Variants in RGS22 observed in about 807,000 individuals in gnomAD.
RGS22 encodes the protein regulator of G-protein signaling 22.
In RGS22, 148 loss-of-function variants were observed where a neutral mutation model predicts 172.9. The ratio of observed to expected loss-of-function variants is 0.86; its 90% CI spans 0.75 to 0.98. The LOEUF is 0.98. Among genes scored for constraint, RGS22 ranks in the 50% least tolerant of loss-of-function variants. The pLI, the probability that RGS22 is intolerant of heterozygous loss-of-function variation, is 0.00. For synonymous variants in RGS22, 458 were observed against 480.2 expected (o/e 0.95, Z 0.60); for missense variants, 1,347 against 1,440.8 (o/e 0.93, Z 1.05).
In RGS22 at chr8:99,965,470, AATGAT is replaced by A. The variant is rs774959553; in HGVS notation, c.3520-45_3520-41del. On this transcript the variant is annotated intron_variant, in intron 23 of 27. Transcript: ENST00000360863. ...AATTAAATTATTACCCAGAAAAGAT[AATGAT>A]ATGTTAATATAAACTTATGGCTAAG... is the stretch of plus-strand genomic sequence containing the variant. 2.8e-5 allele frequency: 38 copies of A among 1,371,370 alleles called. No individual in the cohort carries two copies. In the South Asian group the frequency reaches 4.7e-4, roughly 17 times the overall value. 85.0% of individuals were successfully genotyped at this position (1,371,370 alleles called of 1,614,324 possible). A position where few individuals can be genotyped will look rare whatever the true frequency, so the allele number is the denominator to read the frequency against.
rs760451465 is a variant in RGS22, at chr8:99,965,339, C to T, written c.3611G>A (p.Arg1204Gln). The T allele has an allele frequency of 2.0e-5, 32 of 1,610,584 alleles. No individual in the cohort carries two copies. The highest frequency in any genetic ancestry group is 2.3e-5 in the Non-Finnish European group (27 of 1,177,136). The part of the protein sequence containing the change: ...DSFLGLQPYG[R>Q]QPTWCYSKYI... Reference sequence around the variant, plus strand: ...TGCACCATCTTGCATGCTTACCTGTCGGCCATATGGTTGGAGGCCTAGGAA... The same window carrying T: ...TGCACCATCTTGCATGCTTACCTGTTGGCCATATGGTTGGAGGCCTAGGAA... The change falls in exon 24 of 28, where the codon CGA becomes CAA. Residue 1204 changes from arginine (R) to glutamine (Q), a missense_variant. Arg to Gln is a conservative substitution (Grantham distance 43). Transcript: ENST00000360863.
intron 4 of RGS22, among the ~76,000 whole-genome samples, chr8:100,075,773 T>G (rs1811301396): frequency 6.6e-6 from 1 of 152,246 alleles, no homozygotes; most frequent in African/African-American, 2.4e-5. Flanking sequence ...ATTTGATAAC[T>G]CTTGGGCTAA....
At chr8:99,989,114 T>C (rs1028221556) in intron 20 of RGS22, among the ~76,000 whole-genome samples, 1 of 152,060 alleles carries the variant, frequency 6.6e-6, no homozygotes, top group African/African-American at 2.4e-5. Context: ...ATTAAAAAAG[T>C]TTCTTTCTTT....
chr8:100,046,056 G>A (rs1181572154), intron 11 of RGS22, among the ~76,000 whole-genome samples: 2 of 151,792 alleles, frequency 1.3e-5, no homozygotes, highest in Non-Finnish European at 2.9e-5. Flanking sequence ...TATTGCTATA[G>A]CACAATCACT....
chr8:100,029,753 C>A (rs1818591210), intron 14 of RGS22, among the ~76,000 whole-genome samples: 1 of 149,138 alleles, frequency 6.7e-6, no homozygotes, highest in Admixed American at 6.7e-5. Flanking sequence ...ATGTGTATAC[C>A]TATGTAAAAA....
At chr8:100,034,153 T>G (rs1228082226) in intron 14 of RGS22, among the ~76,000 whole-genome samples, 1 of 152,126 alleles carries the variant, frequency 6.6e-6, no homozygotes, top group Non-Finnish European at 1.5e-5. Flanking sequence ...GGTATTCAAG[T>G]AGGAAAAGAG....
chr8:100,070,911 T>C lies in RGS22; in HGVS notation c.594+458A>G, dbSNP rs144793603. 3.3e-5 allele frequency among the ~76,000 whole-genome samples: 5 copies of C among 149,600 alleles called. No homozygotes were observed. The East Asian group carries it at 9.8e-4, about 29-fold the overall frequency. ...AGCAGAGCAAATTAGTTAGCATAAATCTATAAGAAGTATTGCTAAATCTGC... is the reference window on the plus strand; with the variant it reads ...AGCAGAGCAAATTAGTTAGCATAAACCTATAAGAAGTATTGCTAAATCTGC... On this transcript the variant is annotated intron_variant, in intron 6 of 27. Coordinates refer to ENST00000360863, the MANE Select transcript of RGS22 (RefSeq NM_015668.5).
chr8:100,004,000 A>G lies in RGS22; in HGVS notation c.2553T>C (p.Phe851=). ...WDNVPAEYKH[F]KFSDLLNNKL... is the part of the protein sequence containing the mutation. ...TGTTGTTAAGCAGATCACTAAACTT[A>G]AAATGCTTGTATTCTGCAGGAACAT... The change falls in exon 17 of 28, where the codon TTT becomes TTC. Residue 851 remains phenylalanine, a synonymous_variant. Coordinates refer to ENST00000360863, the MANE Select transcript of RGS22 (RefSeq NM_015668.5). 1 of 1,612,578 alleles carries G rather than the reference A, an allele frequency of 6.2e-7. No homozygotes were observed. The highest frequency in any genetic ancestry group is 8.5e-7 in the Non-Finnish European group (1 of 1,179,136).
At chr8:100,065,978 T>C (rs1401039982) in intron 7 of RGS22, among the ~76,000 whole-genome samples, 189 bp downstream of exon 7, 1 of 152,190 alleles carries the variant, frequency 6.6e-6, no homozygotes, top group Non-Finnish European at 1.5e-5. Context: ...ATATCAGAGT[T>C]GCATTCTAAA....
chr8:99,990,167 G>T (rs1467615830), intron 20 of RGS22, among the ~76,000 whole-genome samples: 5 of 152,116 alleles, frequency 3.3e-5, no homozygotes. Flanking sequence ...CCTTATTCAG[G>T]AGGCGAAGGC....
At chr8:100,080,399 GA>G in intron 3 of RGS22, 44 bp from the exon 4 acceptor site, 1 of 1,380,790 alleles carries the variant, frequency 7.2e-7, no homozygotes, top group Non-Finnish European at 1.0e-6. Flanking sequence ...TTTAAACCTG[GA>G]AACTCATGGT....
chr8:99,996,385 A>G (rs947756179), intron 20 of RGS22, 77 bp downstream of exon 20: 17 of 1,261,658 alleles, frequency 1.3e-5, no homozygotes, highest in Middle Eastern at 1.9e-4. Flanking sequence ...AGGATTTTTG[A>G]ACAAGAAAGG....
intron 9 of RGS22, among the ~76,000 whole-genome samples, chr8:100,055,798 T>G (rs767585185): frequency 6.6e-6 from 1 of 152,186 alleles, no homozygotes; most frequent in Non-Finnish European, 1.5e-5. Context: ...TTTCCAGCCA[T>G]GTGGAACTGT....
At chr8:100,010,297 C>T (rs1816235201) in intron 14 of RGS22, among the ~76,000 whole-genome samples, 1 of 152,016 alleles carries the variant, frequency 6.6e-6, no homozygotes. Flanking sequence ...ACCATCCTGG[C>T]CAACATGGTG....
At chr8:99,977,781 C>A in intron 23 of RGS22, 136 bp downstream of exon 23, 2 of 656,264 alleles carry the variant, frequency 3.0e-6, no homozygotes, top group Non-Finnish European at 4.9e-6. Flanking sequence ...AAGCTTCTGA[C>A]TGAAGGCTTA....
At chr8:100,099,124 C>A (rs1030775349) in intron 2 of RGS22, among the ~76,000 whole-genome samples, 3 of 151,884 alleles carry the variant, frequency 2.0e-5, no homozygotes, top group Non-Finnish European at 4.4e-5. Context: ...CCATGTTGGC[C>A]AGGATGGTCT....
chr8:100,071,638 T>C, intron 5 of RGS22, 101 bp from the exon 6 acceptor site: 2 of 771,724 alleles, frequency 2.6e-6, no homozygotes, highest in South Asian at 2.4e-5. Context: ...TCTCCTCTCC[T>C]CACTCTTGAT....
At chr8:100,039,788 A>C (rs1341186297) in intron 13 of RGS22, among the ~76,000 whole-genome samples, 174 bp downstream of exon 13, 1 of 152,168 alleles carries the variant, frequency 6.6e-6, no homozygotes, top group Non-Finnish European at 1.5e-5. Context: ...TAGGATGAGC[A>C]AAAGAATTAT....
At chr8:100,035,024 T>C (rs1297483202) in intron 14 of RGS22, among the ~76,000 whole-genome samples, 2 of 152,132 alleles carry the variant, frequency 1.3e-5, no homozygotes, top group African/African-American at 4.8e-5. Context: ...ACATACGCAA[T>C]ACCATTCAGG....
Sources: allele counts gnomAD v4.1 joint callset (sites outside exome capture counted in the v4.1 genomes callset), GRCh38; gene constraint gnomAD v4.1.1; transcripts MANE v1.5; gene names NCBI Gene and HGNC (gene_info 2026-07-23, HGNC 2026-07-21).